Variants in TENT4B observed in about 807,000 individuals in gnomAD.
TENT4B encodes terminal nucleotidyltransferase 4B.
TENT4B carries 10 observed loss-of-function variants against 75.0 expected under a neutral mutation model. That is an observed-to-expected ratio of 0.13 (90% CI 0.08 to 0.23). The LOEUF (loss-of-function observed/expected upper bound fraction) is 0.23. Among genes scored for constraint, TENT4B ranks in the 10% least tolerant of loss-of-function variants. The probability of loss-of-function intolerance (pLI) is 1.00; values close to 1 mark genes in which losing one functional copy is unlikely to be tolerated. For missense variants in TENT4B, 579 were observed against 893.8 expected (o/e 0.65, Z 4.49); for synonymous variants, 350 against 357.7 (o/e 0.98, Z 0.24).
intron 1 of TENT4B, among the ~76,000 whole-genome samples, chr16:50,184,524 G>A (rs1294631800): frequency 3.9e-5 from 6 of 152,148 alleles, no homozygotes; most frequent in African/African-American, 1.4e-4. Flanking sequence ...AAAATTAGCC[G>A]GGCGTGGTGG....
At chr16:50,211,974 C>T (rs777137185) in intron 2 of TENT4B, among the ~76,000 whole-genome samples, 1 of 152,302 alleles carries the variant, frequency 6.6e-6, no homozygotes, top group Non-Finnish European at 1.5e-5. Context: ...AGCTAATTGC[C>T]TTTTAGACAG....
chr16:50,233,709 G>A lies in TENT4B; in HGVS notation c.*4381G>A, dbSNP rs1324190129. On this transcript the variant is annotated 3_prime_UTR_variant, in exon 12 of 12. Coordinates refer to ENST00000561678, the MANE Select transcript of TENT4B (RefSeq NM_001365324.3). ...GGTTTTTTTAAAAAAAATGTGTTTG[G>A]CCTTTACATTTTCTACTTAAGTGTG... The A allele has an allele frequency of 1.0e-6, 1 of 984,690 alleles. No individual in the cohort carries two copies. The highest frequency in any genetic ancestry group is 1.2e-6 in the Non-Finnish European group (1 of 829,556). 61.0% of individuals were successfully genotyped at this position (984,690 alleles called of 1,614,324 possible). A position where few individuals can be genotyped will look rare whatever the true frequency, so the allele number is the denominator to read the frequency against.
chr16:50,221,102 TGTG>T (rs1345852584), intron 5 of TENT4B, among the ~76,000 whole-genome samples: 1 of 151,900 alleles, frequency 6.6e-6, no homozygotes, highest in East Asian at 1.9e-4. Context: ...GCCCGGGCAA[TGTG>T]GTGAAACCCT....
Position 50,232,367 on chromosome 16 carries a change from A to G in TENT4B, c.*3039A>G. The G allele has an allele frequency of 1.0e-6, 1 of 984,978 alleles. No individual in the cohort carries two copies. Among genetic ancestry groups the G allele is most frequent in the Non-Finnish European group, 1.2e-6 (1 of 829,592 alleles). 61.0% of individuals were successfully genotyped at this position (984,978 alleles called of 1,614,324 possible). A position where few individuals can be genotyped will look rare whatever the true frequency, so the allele number is the denominator to read the frequency against. Reference sequence around the variant, plus strand: ...TTTTATCCTGTTTTGAGTGTACTTTACCTTTACTTGCATTTTGAGCCTCAT... The same window carrying G: ...TTTTATCCTGTTTTGAGTGTACTTTGCCTTTACTTGCATTTTGAGCCTCAT... On this transcript the variant is annotated 3_prime_UTR_variant, in exon 12 of 12. Transcript: ENST00000561678.
Position 50,224,674 on chromosome 16 carries a change from A to G in TENT4B, c.1399A>G (p.Ser467Gly). The G allele has an allele frequency of 6.2e-7, 1 of 1,613,990 alleles. No homozygotes were observed. The highest frequency in any genetic ancestry group is 8.5e-7 in the Non-Finnish European group (1 of 1,179,878). ...PLQPGNDVGR[S>G]SYGAMQVKQA... Reference sequence around the variant, plus strand: ...TTTTAAAGGTAACGATGTTGGAAGGAGTTCATATGGGGCCATGCAAGTGAA... The same window carrying G: ...TTTTAAAGGTAACGATGTTGGAAGGGGTTCATATGGGGCCATGCAAGTGAA... The change falls in exon 8 of 12, where the codon AGT becomes GGT. Residue 467 changes from serine (S) to glycine (G), a missense_variant. By Grantham distance (56) the Ser-to-Gly change is moderately conservative. Coordinates refer to ENST00000561678, the MANE Select transcript of TENT4B (RefSeq NM_001365324.3).
chr16:50,182,891 CTTTTTTTTTTTTTTTTTT>C (rs869060811), intron 1 of TENT4B, among the ~76,000 whole-genome samples: 6 of 36,460 alleles, frequency 1.6e-4, no homozygotes, highest in East Asian at 2.4e-3. Flanking sequence ...TTTATTTTAC[CTTTTTTTTTTTTTTTTTT>C]TTTTTTTTTT....
At chr16:50,225,383 T>G in intron 10 of TENT4B, 98 bp downstream of exon 10, 1 of 1,057,222 alleles carries the variant, frequency 9.5e-7, no homozygotes, top group Non-Finnish European at 1.3e-6. Context: ...TTCCTTTGCT[T>G]ACATGTTACT....
intron 1 of TENT4B, among the ~76,000 whole-genome samples, chr16:50,154,554 C>G (rs770482682): frequency 6.4e-4 from 96 of 150,888 alleles, no homozygotes; most frequent in Middle Eastern, 3.4e-3. Context: ...TATCCATTCA[C>G]TCTCCTCCCA....
intron 5 of TENT4B, among the ~76,000 whole-genome samples, chr16:50,219,739 C>T (rs1378224633): frequency 7.3e-6 from 1 of 137,698 alleles, no homozygotes; most frequent in East Asian, 2.4e-4. Flanking sequence ...CTCTCTTTTT[C>T]TTTCCCTCCC....
At chr16:50,157,255 G>T (rs758053786) in intron 1 of TENT4B, among the ~76,000 whole-genome samples, 1 of 152,150 alleles carries the variant, frequency 6.6e-6, no homozygotes, top group Non-Finnish European at 1.5e-5. Flanking sequence ...TGTCTTTTGT[G>T]TTCTCTGCTT....
At chr16:50,225,517 T>A (rs2032009423) in intron 10 of TENT4B, among the ~76,000 whole-genome samples, 1 of 152,228 alleles carries the variant, frequency 6.6e-6, no homozygotes, top group Non-Finnish European at 1.5e-5. Context: ...TAGATTCTGC[T>A]ATTAACCTTT....
intron 1 of TENT4B, among the ~76,000 whole-genome samples, chr16:50,158,746 A>G (rs746093470): frequency 4.6e-5 from 7 of 152,100 alleles, no homozygotes; most frequent in Non-Finnish European, 7.3e-5. Context: ...TTGGAGTACA[A>G]ATTTGGCTGT....
intron 1 of TENT4B, among the ~76,000 whole-genome samples, chr16:50,191,859 C>T (rs549402165): frequency 1.9e-4 from 29 of 152,114 alleles, no homozygotes; most frequent in African/African-American, 6.0e-4. Flanking sequence ...GCGGAGGTTG[C>T]GGTGAGTCGA....
upstream of TENT4B, chr16:50,153,059 G>T: frequency 3.4e-6 from 5 of 1,466,566 alleles, no homozygotes; most frequent in Non-Finnish European, 4.5e-6. Context: ...CACAGATGGC[G>T]CAAGTACGGT....
chr16:50,170,851 G>A (rs565412520), intron 1 of TENT4B, among the ~76,000 whole-genome samples: 12 of 152,174 alleles, frequency 7.9e-5, no homozygotes, highest in African/African-American at 2.6e-4. Context: ...ATTTTTAGTA[G>A]AGATGGGGTT....
At chr16:50,164,659 T>C (rs1251901332) in intron 1 of TENT4B, among the ~76,000 whole-genome samples, 1 of 152,102 alleles carries the variant, frequency 6.6e-6, no homozygotes, top group Non-Finnish European at 1.5e-5. Context: ...GGCCAGAACT[T>C]AGAACTGGTT....
chr16:50,216,581 G>A (rs1156452908), intron 4 of TENT4B, among the ~76,000 whole-genome samples: 1 of 152,164 alleles, frequency 6.6e-6, no homozygotes, highest in Non-Finnish European at 1.5e-5. Context: ...CAAAATGCTG[G>A]GATTACAGGC....
intron 3 of TENT4B, 21 bp from the exon 4 acceptor site, chr16:50,216,054 G>GTA (rs763130969): frequency 3.1e-6 from 5 of 1,613,666 alleles, no homozygotes; most frequent in South Asian, 1.1e-5. Flanking sequence ...CGACCCTCTT[G>GTA]TATATGTATT....
chr16:50,202,684 T>C (rs2030723130), intron 1 of TENT4B, among the ~76,000 whole-genome samples: 1 of 152,116 alleles, frequency 6.6e-6, no homozygotes. Context: ...ATTCAGAAAT[T>C]TTATTGGAAG....
Sources: allele counts gnomAD v4.1 joint callset (sites outside exome capture counted in the v4.1 genomes callset), GRCh38; gene constraint gnomAD v4.1.1; transcripts MANE v1.5; gene names NCBI Gene and HGNC (gene_info 2026-07-23, HGNC 2026-07-21).